The following TNFSF8 variants were observed in gnomAD, a reference collection of about 807,000 sequenced individuals.
The protein encoded by TNFSF8 is TNF superfamily member 8, also known as tumor necrosis factor ligand superfamily member 8.
A neutral mutation model predicts 22.0 loss-of-function variants in TNFSF8; 4 were observed. That is an observed-to-expected ratio of 0.18 (90% confidence interval 0.09 to 0.42). TNFSF8 has a LOEUF of 0.42. Among genes scored for constraint, TNFSF8 ranks in the 10% least tolerant of loss-of-function variants. The probability of loss-of-function intolerance (pLI) is 1.00; values close to 1 mark genes in which losing one functional copy is unlikely to be tolerated. For missense variants in TNFSF8, 233 were observed against 281.8 expected, an observed-to-expected ratio of 0.83 and a Z score of 1.24; for synonymous variants, 106 against 112.5, an observed-to-expected ratio of 0.94 and a Z score of 0.37.
At chr9:114,904,548 G>T (rs1304129750) in intron 3 of TNFSF8, among the ~76,000 whole-genome samples, 1 of 152,114 alleles carries the variant, frequency 6.6e-6, no homozygotes, top group South Asian at 2.1e-4. Flanking sequence ...AAAGCTGGAG[G>T]TTCAGAACAC....
chr9:114,907,467 C>T (rs1282285997), intron 2 of TNFSF8, among the ~76,000 whole-genome samples: 1 of 152,158 alleles, frequency 6.6e-6, no homozygotes. Flanking sequence ...CCTGGCGTAG[C>T]CTCCTACTCT....
intron 2 of TNFSF8, among the ~76,000 whole-genome samples, chr9:114,912,044 T>C (rs1827858213): frequency 6.6e-6 from 1 of 152,242 alleles, no homozygotes; most frequent in African/African-American, 2.4e-5. Context: ...AAAGTTCGTT[T>C]TGGGTTCAAA....
intron 2 of TNFSF8, among the ~76,000 whole-genome samples, chr9:114,908,106 C>T (rs1448371214): frequency 6.6e-6 from 1 of 152,234 alleles, no homozygotes; most frequent in Non-Finnish European, 1.5e-5. Context: ...TGAAACACAG[C>T]CTAGCAGTCA....
In TNFSF8 at chr9:114,901,774, GAA is replaced by G; in HGVS notation, c.*2155_*2156del. ...ATCTACTCACAGAAAGAGTTAAAGA[GAA>G]ATGTAGACTTTACTAAATATTTCAT... On this transcript the variant is annotated 3_prime_UTR_variant, in exon 4 of 4. Coordinates refer to ENST00000223795, the MANE Select transcript of TNFSF8 (RefSeq NM_001244.4). 1 of 984,058 alleles carries G rather than the reference GAA, an allele frequency of 1.0e-6. No homozygotes were observed. Among genetic ancestry groups the G allele is most frequent in the Admixed American group, 6.1e-5 (1 of 16,278 alleles). The allele number at this position is 984,058 out of a possible 1,614,324, so 61.0% of individuals were successfully genotyped here.
chr9:114,929,894 A>G (rs1455021547), intron 1 of TNFSF8, among the ~76,000 whole-genome samples: 1 of 147,406 alleles, frequency 6.8e-6, no homozygotes, highest in East Asian at 2.0e-4. Context: ...TATATATATA[A>G]TATATACTGT....
At chr9:114,918,206 T>C in intron 1 of TNFSF8, 68 bp from the exon 2 acceptor site, 1 of 1,477,606 alleles carries the variant, frequency 6.8e-7, no homozygotes. Context: ...TTTTTTTTCT[T>C]TTTCATTTTG....
At chr9:114,915,907 G>A (rs1189532750) in intron 2 of TNFSF8, among the ~76,000 whole-genome samples, 1 of 152,188 alleles carries the variant, frequency 6.6e-6, no homozygotes, top group Non-Finnish European at 1.5e-5. Flanking sequence ...ACATTGAATT[G>A]TAAACTGAGG....
chr9:114,929,952 A>G (rs1828115665), intron 1 of TNFSF8, among the ~76,000 whole-genome samples, 157 bp downstream of exon 1: 1 of 145,672 alleles, frequency 6.9e-6, no homozygotes, highest in Non-Finnish European at 1.5e-5. Flanking sequence ...GTTATACAGT[A>G]TATACTATAG....
At chr9:114,911,352 C>T (rs1033890855) in intron 2 of TNFSF8, among the ~76,000 whole-genome samples, 3 of 152,168 alleles carry the variant, frequency 2.0e-5, no homozygotes, top group African/African-American at 7.2e-5. Flanking sequence ...CTTCTTCATT[C>T]CAGGCTTCAG....
intron 1 of TNFSF8, among the ~76,000 whole-genome samples, chr9:114,922,221 A>G (rs1212864697): frequency 6.6e-6 from 1 of 152,236 alleles, no homozygotes; most frequent in East Asian, 1.9e-4. Flanking sequence ...AGGAATGATC[A>G]GCAGATGCAA....
chr9:114,906,990 C>T (rs3827818), intron 2 of TNFSF8, among the ~76,000 whole-genome samples: 3,971 of 152,258 alleles, frequency 0.026, 263 homozygotes, highest in East Asian at 0.15. Flanking sequence ...GCCAACGGCC[C>T]ATTCAATGGA....
chr9:114,930,033 A>G (rs1828118574), intron 1 of TNFSF8, 76 bp downstream of exon 1: 2 of 1,202,272 alleles, frequency 1.7e-6, no homozygotes, highest in South Asian at 4.3e-5. Context: ...CAACAAACGA[A>G]TATCATTTGT....
rs536060421 is a variant in TNFSF8 at position 114,913,677 on chromosome 9, A to G, written c.238+4419T>C. Among the ~76,000 whole-genome samples, 6 of 152,202 alleles carry G rather than the reference A, an allele frequency of 3.9e-5. No homozygotes were observed. The South Asian group carries it at 1.0e-3, about 26-fold the overall frequency. On this transcript the variant is annotated intron_variant, in intron 2 of 3. Coordinates refer to ENST00000223795, the MANE Select transcript of TNFSF8 (RefSeq NM_001244.4). ...GCTAAGCACAAGGGCTGCAAGGTGG[A>G]TACGCTGGATTTGAGGTCTCACCCC... is the stretch of plus-strand genomic sequence containing the variant.
chr9:114,897,223 T>C (rs944562463), downstream of TNFSF8, among the ~76,000 whole-genome samples: 3 of 152,124 alleles, frequency 2.0e-5, no homozygotes, highest in Admixed American at 6.5e-5. Flanking sequence ...CTAAGAAAAA[T>C]AGAGGCTTTC....
At chr9:114,922,747 G>A (rs1306048936) in intron 1 of TNFSF8, among the ~76,000 whole-genome samples, 2 of 152,130 alleles carry the variant, frequency 1.3e-5, no homozygotes, top group Non-Finnish European at 2.9e-5. Flanking sequence ...TTTTTACTGG[G>A]AGCACATGGT....
In TNFSF8 at chr9:114,904,044, G is replaced by A. The variant is rs1008084220; in HGVS notation, c.592C>T (p.Leu198=). 6.2e-7 allele frequency: 1 copy of A among 1,614,022 alleles called. No homozygotes were observed. Among genetic ancestry groups the A allele is most frequent in the Non-Finnish European group, 8.5e-7 (1 of 1,179,984 alleles). The change falls in exon 4 of 4, where the codon CTG becomes TTG. Residue 198 remains leucine (L), a synonymous_variant. Coordinates refer to ENST00000223795, the MANE Select transcript of TNFSF8 (RefSeq NM_001244.4). ...ACTGATATGGTGGTGTTGACCTGCAGGTAATCCAGCAAGAATTGAGAGAGA... is the reference window on the plus strand; with the variant it reads ...ACTGATATGGTGGTGTTGACCTGCAAGTAATCCAGCAAGAATTGAGAGAGA... ...QNLSQFLLDY[L]QVNTTISVNV...
chr9:114,906,425 A>G (rs1273326039), intron 2 of TNFSF8, among the ~76,000 whole-genome samples: 2 of 152,332 alleles, frequency 1.3e-5, no homozygotes, highest in Middle Eastern at 3.4e-3. Flanking sequence ...TGGGTAATAT[A>G]TCAGCTAATC....
chr9:114,910,587 G>A (rs1827840791), intron 2 of TNFSF8, among the ~76,000 whole-genome samples: 1 of 152,198 alleles, frequency 6.6e-6, no homozygotes, highest in Admixed American at 6.5e-5. Flanking sequence ...ACTGAAAACT[G>A]ACAAGACAGC....
chr9:114,911,621 A>T (rs1033839887), intron 2 of TNFSF8, among the ~76,000 whole-genome samples: 1 of 152,234 alleles, frequency 6.6e-6, no homozygotes, highest in Non-Finnish European at 1.5e-5. Flanking sequence ...GATTTGGAGA[A>T]TGCCCATATG....
Sources: gnomAD v4.1 joint callset for allele counts (sites outside exome capture counted in the v4.1 genomes callset) on GRCh38, gnomAD v4.1.1 for gene constraint, MANE v1.5 for transcripts, NCBI Gene and HGNC (gene_info 2026-07-23, HGNC 2026-07-21) for gene names.